The following MEGF10 variants were observed in gnomAD, a reference collection of about 807,000 sequenced individuals.
The protein encoded by MEGF10 is multiple EGF like domains 10.
Under a neutral mutation model 147.5 loss-of-function variants are expected in MEGF10, and 86 were observed. That is an observed-to-expected ratio of 0.58 (90% CI 0.49 to 0.70). MEGF10 has a LOEUF of 0.70. Among genes scored for constraint, MEGF10 ranks in the 30% least tolerant of loss-of-function variants. MEGF10 has a pLI of 0.00. For missense variants in MEGF10, 1,329 were observed against 1,487.3 expected (o/e 0.89, Z 1.75); for synonymous variants, 478 against 525.5 (o/e 0.91, Z 1.24).
At chr5:127,301,121 G>C (rs1759747339) in intron 1 of MEGF10, among the ~76,000 whole-genome samples, 1 of 152,190 alleles carries the variant, frequency 6.6e-6, no homozygotes, top group South Asian at 2.1e-4. Flanking sequence ...GTTGATATGA[G>C]GGGTGAAGTC....
chr5:127,424,160 T>G (rs1765126980), intron 13 of MEGF10, among the ~76,000 whole-genome samples: 1 of 152,232 alleles, frequency 6.6e-6, no homozygotes, highest in South Asian at 2.1e-4. Flanking sequence ...CTTGATACCC[T>G]TTTTAAAATT....
intron 1 of MEGF10, among the ~76,000 whole-genome samples, chr5:127,325,277 A>AT (rs1478989013): frequency 2.6e-5 from 4 of 152,098 alleles, no homozygotes; most frequent in Non-Finnish European, 4.4e-5. Flanking sequence ...TTTGATTATA[A>AT]TTTTTTCCTT....
intron 5 of MEGF10, among the ~76,000 whole-genome samples, chr5:127,392,147 G>A (rs980260038): frequency 6.6e-6 from 1 of 152,186 alleles, no homozygotes; most frequent in African/African-American, 2.4e-5. Context: ...CGAAGGCTGG[G>A]GAGTACTGAG....
chr5:127,271,261 G>T, the MEGF10 span, among the ~76,000 whole-genome samples: 10 of 152,198 alleles, frequency 6.6e-5, no homozygotes, highest in Non-Finnish European at 8.8e-5. Context: ...TCTGACTGGT[G>T]TGAGATGGTA....
At chr5:127,443,477 C>T (rs1765832133) in intron 19 of MEGF10, among the ~76,000 whole-genome samples, 1 of 151,958 alleles carries the variant, frequency 6.6e-6, no homozygotes, top group Non-Finnish European at 1.5e-5. Flanking sequence ...ACAAAAAACA[C>T]ACCTATTTAA....
intron 16 of MEGF10, among the ~76,000 whole-genome samples, chr5:127,436,504 G>A (rs897090229): frequency 1.3e-5 from 2 of 152,206 alleles, no homozygotes; most frequent in African/African-American, 4.8e-5. Context: ...AAATCAGTCT[G>A]TTTAAATCTA....
intron 5 of MEGF10, among the ~76,000 whole-genome samples, chr5:127,388,561 T>TTTA: frequency 7.3e-6 from 1 of 137,398 alleles, no homozygotes; most frequent in African/African-American, 2.8e-5. Flanking sequence ...TTATTTATTT[T>TTTA]TTGAGGCAGA....
At chr5:127,434,875 G>A in intron 15 of MEGF10, 54 bp downstream of exon 15, 1 of 1,575,798 alleles carries the variant, frequency 6.3e-7, no homozygotes, top group African/African-American at 1.3e-5. Flanking sequence ...GCCCCGGAGA[G>A]TCTGTCCTCA....
chr5:127,396,398 T>C (rs922337712), intron 5 of MEGF10, 134 bp from the exon 6 acceptor site: 5 of 1,024,682 alleles, frequency 4.9e-6, no homozygotes, highest in Non-Finnish European at 6.8e-6. Flanking sequence ...AGCATTGCCA[T>C]GGGTTGGGGC....
the MEGF10 span, among the ~76,000 whole-genome samples, chr5:127,243,200 A>G: frequency 6.6e-6 from 1 of 152,202 alleles, no homozygotes. Context: ...TTGTCAGGAT[A>G]AAATACAGAT....
chr5:127,391,514 G>A (rs1763691909), intron 5 of MEGF10, among the ~76,000 whole-genome samples: 1 of 150,812 alleles, frequency 6.6e-6, no homozygotes, highest in African/African-American at 2.4e-5. Context: ...AGGCTGCAGA[G>A]AGTCAAGATC....
At chr5:127,394,727 T>A (rs1333172638) in intron 5 of MEGF10, among the ~76,000 whole-genome samples, 1 of 152,204 alleles carries the variant, frequency 6.6e-6, no homozygotes, top group Non-Finnish European at 1.5e-5. Flanking sequence ...ACAATTAGGC[T>A]TCAGTCTCAT....
At chr5:127,374,579 C>T (rs1176766750) in intron 5 of MEGF10, among the ~76,000 whole-genome samples, 3 of 152,190 alleles carry the variant, frequency 2.0e-5, no homozygotes, top group Non-Finnish European at 4.4e-5. Flanking sequence ...TGCTCATACT[C>T]TCTTCCTAAA....
Position 127,409,350 on chromosome 5 carries a change from G to A in MEGF10, c.918-1039G>A, listed in dbSNP as rs115567134. Reference sequence around the variant, plus strand: ...GAGAGCCACATGGGAAGTGGCTGCCGAGACAAAGTGTACCCTTCTTGCGGC... The same window carrying A: ...GAGAGCCACATGGGAAGTGGCTGCCAAGACAAAGTGTACCCTTCTTGCGGC... On this transcript the variant is annotated intron_variant, in intron 8 of 24. Transcript: ENST00000503335. Among the ~76,000 whole-genome samples the A allele has an allele frequency of 1.6e-3, 243 of 152,292 alleles. 2 individuals are homozygous for A. The highest frequency in any genetic ancestry group is 5.7e-3 in the African/African-American group (235 of 41,558).
At chr5:127,413,938 T>C (rs1181785323) in intron 9 of MEGF10, among the ~76,000 whole-genome samples, 2 of 152,216 alleles carry the variant, frequency 1.3e-5, no homozygotes, top group East Asian at 3.8e-4. Flanking sequence ...TCTTTAACAT[T>C]ATGTCTACAC....
intron 7 of MEGF10, 29 bp from the exon 8 acceptor site, chr5:127,402,517 T>A (rs762549465): frequency 6.2e-7 from 1 of 1,601,238 alleles, no homozygotes; most frequent in South Asian, 1.1e-5. Context: ...TGGAGGCCCA[T>A]CTAATTTTCC....
chr5:127,449,029 A>G lies in MEGF10; in HGVS notation c.2857-70A>G, dbSNP rs1766054075. 4.4e-6 allele frequency: 7 copies of G among 1,578,446 alleles called. No individual in the cohort carries two copies. The South Asian group carries it at 5.9e-5, about 13-fold the overall frequency. On this transcript the variant is annotated intron_variant, in intron 21 of 24. Transcript: ENST00000503335. ...CAATATGTGCCCTGGACTTTTCCCC[A>G]GGTCCATAACGCTGTGCTGTGCCGC...
intron 1 of MEGF10, among the ~76,000 whole-genome samples, chr5:127,304,947 CT>C (rs1201340606): frequency 6.6e-6 from 1 of 152,162 alleles, no homozygotes; most frequent in African/African-American, 2.4e-5. Context: ...TTTCTACTGG[CT>C]AAGCCACCCT....
intron 5 of MEGF10, among the ~76,000 whole-genome samples, chr5:127,388,728 G>A (rs1763533741): frequency 1.3e-5 from 2 of 149,926 alleles, no homozygotes; most frequent in South Asian, 2.1e-4. Flanking sequence ...TGTATTTTTA[G>A]TAGAGACAGA....
Sources: allele counts gnomAD v4.1 joint callset (sites outside exome capture counted in the v4.1 genomes callset), GRCh38; gene constraint gnomAD v4.1.1; transcripts MANE v1.5; gene names NCBI Gene and HGNC (gene_info 2026-07-23, HGNC 2026-07-21).